VWA3A: variants seen among roughly 807,000 people sequenced by gnomAD.
VWA3A encodes von Willebrand factor A domain containing 3A, also known as von Willebrand factor A domain-containing protein 3A.
A neutral mutation model predicts 160.4 loss-of-function variants in VWA3A; 134 were observed. The observed-to-expected ratio is 0.84, with a 90% CI of 0.73 to 0.96. VWA3A has a LOEUF of 0.96. Ranked by LOEUF, VWA3A falls within the 40% of genes least tolerant of loss-of-function variation. The pLI, the probability that VWA3A is intolerant of heterozygous loss-of-function variation, is 0.00. For synonymous variants in VWA3A, 476 were observed against 543.4 expected (o/e 0.88, Z 1.72); for missense variants, 1,310 against 1,447.9 (o/e 0.90, Z 1.55).
rs369977551 is a variant in VWA3A at position 22,141,569 on chromosome 16, A to G, written c.2384-13A>G. On this transcript the variant is annotated splice_polypyrimidine_tract_variant and intron_variant, in intron 23 of 33. Transcript: ENST00000389398. ...ATGCAGCTGCTCCAGCCAACAAGCC[A>G]AATGTTCCTCAGCTGCGGCCCAGCC... 78 of 1,601,588 alleles carry G rather than the reference A, an allele frequency of 4.9e-5. No homozygotes were observed. Among genetic ancestry groups the G allele is most frequent in the Non-Finnish European group, 6.4e-5 (75 of 1,174,248 alleles).
chr16:22,140,185 G>GC lies in VWA3A; in HGVS notation c.2330dup (p.Leu778AlafsTer11), dbSNP rs751355756. 6.8e-6 allele frequency: 11 copies of GC among 1,613,686 alleles called. No homozygotes were observed. Among genetic ancestry groups the GC allele is most frequent in the Non-Finnish European group, 8.5e-6 (10 of 1,179,772 alleles). ...AAAGATGACCCTGACAGAGAGAAGA[G>GC]CCCCCCGCTGAAATCTCTGAAATGG... On this transcript the variant is annotated frameshift_variant, in exon 23 of 34. Transcript: ENST00000389398. LOFTEE classifies it high-confidence loss of function.
intron 18 of VWA3A, 114 bp downstream of exon 18, chr16:22,131,393 A>G: frequency 6.9e-7 from 1 of 1,443,338 alleles, no homozygotes; most frequent in South Asian, 1.2e-5. Context: ...CTGACCCCAA[A>G]CAGCCATGGG....
intron 31 of VWA3A, among the ~76,000 whole-genome samples, chr16:22,153,061 T>C (rs2046377427): frequency 6.6e-6 from 1 of 152,138 alleles, no homozygotes; most frequent in Non-Finnish European, 1.5e-5. Flanking sequence ...AGAATACACC[T>C]AAAGCTGGGC....
intron 9 of VWA3A, chr16:22,116,301 G>GAGAGAA: frequency 2.5e-6 from 1 of 392,334 alleles, no homozygotes; most frequent in Non-Finnish European, 4.9e-6. Context: ...AGAAGGAAGA[G>GAGAGAA]AGAAAAAAGA....
At chr16:22,125,463 A>G (rs758588174) in intron 16 of VWA3A, among the ~76,000 whole-genome samples, 4 of 151,832 alleles carry the variant, frequency 2.6e-5, no homozygotes, top group Non-Finnish European at 4.4e-5. Context: ...TCGCTCTGTC[A>G]CCCAGGCTAG....
Position 22,148,105 on chromosome 16 carries a change from C to A in VWA3A, c.2840-57C>A. 4 of 1,517,120 alleles carry A rather than the reference C, an allele frequency of 2.6e-6. No homozygotes were observed. In the South Asian group the frequency reaches 5.0e-5, roughly 19 times the overall value. The allele number at this position is 1,517,120 out of a possible 1,614,324, so 94.0% of individuals were successfully genotyped here. A position where few individuals can be genotyped will look rare whatever the true frequency, so the allele number is the denominator to read the frequency against. On this transcript the variant is annotated intron_variant, in intron 27 of 33. Coordinates refer to ENST00000389398, the MANE Select transcript of VWA3A (RefSeq NM_173615.5). ...TGATAGATAGAGTGAGGGAAACCAC[C>A]CAGGAGGAGGGACCCCTCACTCCCT...
chr16:22,152,763 G>A (rs2046373142), intron 31 of VWA3A, 129 bp downstream of exon 31: 15 of 1,390,860 alleles, frequency 1.1e-5, no homozygotes, highest in Non-Finnish European at 1.3e-5. Context: ...CAAAATGTTG[G>A]GATTACAGGC....
intron 31 of VWA3A, among the ~76,000 whole-genome samples, chr16:22,154,593 C>T (rs796143775): frequency 6.6e-6 from 1 of 151,752 alleles, no homozygotes; most frequent in Non-Finnish European, 1.5e-5. Flanking sequence ...CCACCCAAAG[C>T]GCTGGGATTG....
chr16:22,128,970 A>T (rs1438183079), intron 17 of VWA3A, among the ~76,000 whole-genome samples: 2 of 152,244 alleles, frequency 1.3e-5, no homozygotes, highest in East Asian at 3.9e-4. Context: ...AAAATAACTG[A>T]TGGGTACTAG....
intron 21 of VWA3A, among the ~76,000 whole-genome samples, chr16:22,134,666 T>C (rs1206580519): frequency 6.6e-6 from 1 of 151,798 alleles, no homozygotes; most frequent in Non-Finnish European, 1.5e-5. Flanking sequence ...TGGTGTTTGT[T>C]TGTTTGTTTG....
At position 22,123,074 on chromosome 16, in the gene VWA3A, C is replaced by G. The variant is rs892728834; in HGVS notation, c.1357-11C>G. On this transcript the variant is annotated splice_polypyrimidine_tract_variant and intron_variant, in intron 14 of 33. Transcript: ENST00000389398. The stretch of plus-strand genomic sequence containing the variant: ...TCGCCTGCTCACCCTCCTGCCCATG[C>G]CTGAGTATAGAAGGCAATGATACAA... 3.8e-6 allele frequency: 6 copies of G among 1,591,836 alleles called. No individual in the cohort carries two copies. The African/African-American group carries it at 5.4e-5, about 14-fold the overall frequency.
chr16:22,107,945 A>G (rs1292399723), intron 6 of VWA3A, among the ~76,000 whole-genome samples: 1 of 152,138 alleles, frequency 6.6e-6, no homozygotes, highest in Non-Finnish European at 1.5e-5. Context: ...AAAGTGGGAG[A>G]ATATAGTGTC....
chr16:22,092,672 G>T (rs1004664565), intron 1 of VWA3A, 21 bp downstream of exon 1: 11 of 1,550,646 alleles, frequency 7.1e-6, no homozygotes, highest in Non-Finnish European at 6.1e-6. Context: ...GCATCACAAG[G>T]GTTGACAGGG....
chr16:22,139,436 C>T (rs2046103413), intron 22 of VWA3A, among the ~76,000 whole-genome samples: 1 of 152,186 alleles, frequency 6.6e-6, no homozygotes, highest in Admixed American at 6.5e-5. Context: ...TGGCTCACAC[C>T]TGTAATCCCA....
chr16:22,098,911 C>CAAAAAAAAAAAAA (rs900328333), intron 3 of VWA3A, among the ~76,000 whole-genome samples: 1 of 41,030 alleles, frequency 2.4e-5, no homozygotes, highest in African/African-American at 1.0e-4. Context: ...CCTGTTTCCA[C>CAAAAAAAAAAAAA]AAAAAAAAAA....
At chr16:22,100,066 A>T in intron 3 of VWA3A, 128 bp from the exon 4 acceptor site, 1 of 1,188,696 alleles carries the variant, frequency 8.4e-7, no homozygotes, top group Non-Finnish European at 1.1e-6. Flanking sequence ...CAAGAGCGAA[A>T]CTCCGTCTCA....
At chr16:22,119,156 C>A in intron 12 of VWA3A, 129 bp downstream of exon 12, 2 of 1,145,134 alleles carry the variant, frequency 1.7e-6, no homozygotes, top group Non-Finnish European at 2.3e-6. Context: ...CGAAACAAGG[C>A]AAGGCCCACC....
intron 3 of VWA3A, among the ~76,000 whole-genome samples, chr16:22,099,706 C>T (rs2045378128): frequency 1.3e-5 from 2 of 152,278 alleles, no homozygotes; most frequent in South Asian, 2.1e-4. Context: ...CCCAGAACTT[C>T]GAAGCTGCAG....
In VWA3A at chr16:22,126,213, C is replaced by T. The variant is rs1373973684; in HGVS notation, c.1568C>T (p.Ser523Phe). 1 of 1,613,942 alleles carries T rather than the reference C, an allele frequency of 6.2e-7. No individual in the cohort carries two copies. Among genetic ancestry groups the T allele is most frequent in the Admixed American group, 1.7e-5 (1 of 60,000 alleles). ...VVLLDISATN[S>F]MYIIHIQHSL... ...CTGCTCGATATCTCTGCGACCAATT[C>T]CATGTACATTATTCATATCCAGCAC... Residue 523 changes from serine (S) to phenylalanine (F), a missense_variant, in exon 17 of 34, where the codon TCC (serine) becomes TTC (phenylalanine). Coordinates refer to ENST00000389398, the MANE Select transcript of VWA3A (RefSeq NM_173615.5).
Sources: allele counts gnomAD v4.1 joint callset (sites outside exome capture counted in the v4.1 genomes callset), GRCh38; gene constraint gnomAD v4.1.1; transcripts MANE v1.5; gene names NCBI Gene and HGNC (gene_info 2026-07-23, HGNC 2026-07-21).